Variants in PCDHGA8 observed in about 807,000 individuals in gnomAD.
PCDHGA8 encodes protocadherin gamma-A8.
A neutral mutation model predicts 59.2 loss-of-function variants in PCDHGA8; 45 were observed. The observed-to-expected ratio is 0.76, with a 90% CI of 0.60 to 0.98. The LOEUF is 0.98. Ranked by LOEUF, PCDHGA8 falls within the 50% of genes least tolerant of loss-of-function variation. The probability of loss-of-function intolerance (pLI) is 0.00; values close to 1 mark genes in which losing one functional copy is unlikely to be tolerated. For synonymous variants in PCDHGA8, 531 were observed against 519.0 expected (o/e 1.02, Z -0.32); for missense variants, 1,257 against 1,196.2 (o/e 1.05, Z -0.75).
chr5:141,477,066 T>C lies in PCDHGA8; in HGVS notation c.2425-17741T>C. ...CGGCTGGACTTCGAGGACACCAAAC[T>C]CCATGAGATTTACATCCAGGCCAAA... On this transcript the variant is annotated intron_variant, in intron 1 of 3. Coordinates refer to ENST00000398604, the MANE Select transcript of PCDHGA8 (RefSeq NM_032088.2). This position sits in a 1 kb window ranked among gnomAD's most constrained non-coding sequence, Gnocchi z 4.9. 6.2e-7 allele frequency: 1 copy of C among 1,614,148 alleles called. No homozygotes were observed. The highest frequency in any genetic ancestry group is 8.5e-7 in the Non-Finnish European group (1 of 1,180,028).
intron 1 of PCDHGA8, chr5:141,415,347 C>T (rs1369709460): frequency 1.9e-6 from 3 of 1,614,120 alleles, no homozygotes; most frequent in Non-Finnish European, 2.5e-6. Context: ...GGCGCTGGCA[C>T]AAGTCACGCC....
At chr5:141,447,861 G>A (rs2098553733) in intron 1 of PCDHGA8, among the ~76,000 whole-genome samples, 1 of 152,120 alleles carries the variant, frequency 6.6e-6, no homozygotes, top group Non-Finnish European at 1.5e-5. Flanking sequence ...CGAGGTGGGT[G>A]AATCATCTGA....
chr5:141,485,930 G>A lies in PCDHGA8; in HGVS notation c.2425-8877G>A. ...ATCCAGCTACAGGATTAGTGTGTTG[G>A]AGAGCGCACCAGCGGGCATGGTGCT... On this transcript the variant is annotated intron_variant, in intron 1 of 3. Transcript: ENST00000398604. This position sits in a 1 kb window ranked among gnomAD's most constrained non-coding sequence, Gnocchi z 5.7. The A allele has an allele frequency of 6.2e-7, 1 of 1,614,178 alleles. No homozygotes were observed. Among genetic ancestry groups the A allele is most frequent in the Non-Finnish European group, 8.5e-7 (1 of 1,180,042 alleles).
chr5:141,450,207 A>AAGG (rs1164364390), intron 1 of PCDHGA8, among the ~76,000 whole-genome samples: 13 of 151,832 alleles, frequency 8.6e-5, no homozygotes, highest in Non-Finnish European at 1.8e-4. Flanking sequence ...TAGTAGAGAC[A>AAGG]AGGTTTCACT....
Position 141,432,201 on chromosome 5 carries a change from G to T in PCDHGA8, c.2424+36964G>T, listed in dbSNP as rs761075658. On this transcript the variant is annotated intron_variant, in intron 1 of 3. Transcript: ENST00000398604. This position sits in a 1 kb window ranked among gnomAD's most constrained non-coding sequence, Gnocchi z 6.0. ...TCTGTGACCGCCCACGACCCCGACT[G>T]TGAAGAGAACGCCCAGATCACTTAT... 1.8e-5 allele frequency: 29 copies of T among 1,614,092 alleles called. No homozygotes were observed. The South Asian group carries it at 2.9e-4, about 16-fold the overall frequency.
chr5:141,407,869 A>T lies in PCDHGA8; in HGVS notation c.2424+12632A>T, dbSNP rs1031666668. ...GGATGTACACCTGCATTTTCGAAGA[A>T]TATATACATTTCGGAGACCGAATTC... On this transcript the variant is annotated intron_variant, in intron 1 of 3. Coordinates refer to ENST00000398604, the MANE Select transcript of PCDHGA8 (RefSeq NM_032088.2). Among the ~76,000 whole-genome samples, 20 of 152,262 alleles carry T rather than the reference A, an allele frequency of 1.3e-4. No homozygotes were observed. The East Asian group carries it at 1.5e-3, about 12-fold the overall frequency.
chr5:141,427,087 A>T, intron 1 of PCDHGA8: 1 of 458,198 alleles, frequency 2.2e-6, no homozygotes, highest in Non-Finnish European at 4.4e-6. Flanking sequence ...ACTGACCAGG[A>T]TGAGGGTGTC....
rs181397365 is a variant in PCDHGA8, at chr5:141,481,810, G to A, written c.2425-12997G>A. Among the ~76,000 whole-genome samples, 99 of 151,944 alleles carry A rather than the reference G, an allele frequency of 6.5e-4. 1 individual carries two copies. The highest frequency in any genetic ancestry group is 2.4e-3 in the African/African-American group (98 of 41,418). On this transcript the variant is annotated intron_variant, in intron 1 of 3. Transcript: ENST00000398604. ...CTACTAAAAATACAAAAATTCACCA[G>A]GCGTGGTGGCTGAGGCAGGAGAATC...
Position 141,487,910 on chromosome 5 carries a change from C to T in PCDHGA8, c.2425-6897C>T, listed in dbSNP as rs2099668803. The T allele has an allele frequency of 3.0e-6, 2 of 661,468 alleles. No individual in the cohort carries two copies. Among genetic ancestry groups the T allele is most frequent in the Non-Finnish European group, 5.1e-6 (2 of 388,904 alleles). The allele number at this position is 661,468 out of a possible 1,614,324, so 41.0% of individuals were successfully genotyped here. ...AGCATGATGATGGAATGTGGGAGCA[C>T]AGGAGGCTACAGTGCACAGGGTACA... On this transcript the variant is annotated intron_variant, in intron 1 of 3. Transcript: ENST00000398604. The surrounding 1 kb of genome is among the most constrained non-coding windows in gnomAD (Gnocchi z 5.0).
At chr5:141,409,402 C>G (rs2095262140) in intron 1 of PCDHGA8, 2 of 1,613,924 alleles carry the variant, frequency 1.2e-6, no homozygotes, top group Non-Finnish European at 8.5e-7. Context: ...CTTCCAATAA[C>G]TACTACAAAC....
Position 141,431,919 on chromosome 5 carries a change from A to C in PCDHGA8, c.2424+36682A>C, listed in dbSNP as rs2097428718. The C allele has an allele frequency of 7.4e-6, 12 of 1,614,040 alleles. No individual in the cohort carries two copies. Among genetic ancestry groups the C allele is most frequent in the Non-Finnish European group, 1.0e-5 (12 of 1,179,980 alleles). On this transcript the variant is annotated intron_variant, in intron 1 of 3. Transcript: ENST00000398604. This position sits in a 1 kb window ranked among gnomAD's most constrained non-coding sequence, Gnocchi z 4.8. ...AACGGACAGGTGATCTGTTTCATCC[A>C]AGGAAATCTGCCCTTTAAATTAGAA... is the stretch of plus-strand genomic sequence containing the variant.
At position 141,477,681 on chromosome 5, in the gene PCDHGA8, T is replaced by C; in HGVS notation, c.2425-17126T>C. On this transcript the variant is annotated intron_variant, in intron 1 of 3. Coordinates refer to ENST00000398604, the MANE Select transcript of PCDHGA8 (RefSeq NM_032088.2). The surrounding 1 kb of genome is among the most constrained non-coding windows in gnomAD (Gnocchi z 4.9). The stretch of plus-strand genomic sequence containing the variant: ...CGTGACAATGGCATAGTGTCATCCT[T>C]AGTGCCCCTAGACTATGAGGATCGG... 6.2e-7 allele frequency: 1 copy of C among 1,614,180 alleles called. No individual in the cohort carries two copies. The highest frequency in any genetic ancestry group is 8.5e-7 in the Non-Finnish European group (1 of 1,180,046).
chr5:141,394,263 A>C lies in PCDHGA8; in HGVS notation c.1450A>C (p.Asn484His), dbSNP rs745926581. The C allele has an allele frequency of 2.5e-6, 4 of 1,613,766 alleles. No homozygotes were observed. In the African/African-American group the frequency reaches 5.3e-5, roughly 22 times the overall value. The change falls in exon 1 of 4, where the codon AAT becomes CAT. Residue 484 changes from asparagine (N) to histidine (H), a missense_variant. Physicochemically the swap from Asn to His is moderately conservative, Grantham distance 68. Coordinates refer to ENST00000398604, the MANE Select transcript of PCDHGA8 (RefSeq NM_032088.2). ...LTAHDPDSQE[N>H]AQVTYSVTED... ...TGCACACGACCCCGACAGCCAGGAG[A>C]ATGCCCAGGTCACTTACTCTGTGAC...
At chr5:141,464,657 T>G (rs575409062) in intron 1 of PCDHGA8, among the ~76,000 whole-genome samples, 1 of 152,312 alleles carries the variant, frequency 6.6e-6, no homozygotes, top group South Asian at 2.1e-4. Context: ...GGTAAAAAGA[T>G]ATCTCCAAAT....
intron 1 of PCDHGA8, chr5:141,416,636 C>A (rs2096047139): frequency 6.6e-6 from 1 of 152,066 alleles, no homozygotes; most frequent in South Asian, 2.1e-4. Context: ...AATATAAACA[C>A]CAACCACAGC....
intron 1 of PCDHGA8, among the ~76,000 whole-genome samples, chr5:141,468,041 T>C (rs972340736): frequency 4.6e-5 from 7 of 152,120 alleles, no homozygotes; most frequent in Admixed American, 3.9e-4. Flanking sequence ...TTTAGAAAAC[T>C]AAGCCGGGCA....
chr5:141,494,924 TGGGAGGAGATGGGGGAG>T, intron 2 of PCDHGA8, 59 bp downstream of exon 2: 1 of 1,613,498 alleles, frequency 6.2e-7, no homozygotes, highest in Admixed American at 1.7e-5. Flanking sequence ...AGGGATGACG[TGGGAGGAGATGGGGGAG>T]GGCCCAGCAT....
rs777710801 is a variant in PCDHGA8, at chr5:141,400,340, A to G, written c.2424+5103A>G. On this transcript the variant is annotated intron_variant, in intron 1 of 3. Transcript: ENST00000398604. ...AAGTCTGGACCTGTGGTTCCCCCCA[A>G]CTACAGTCAGGGGACTTTGCCTTAT... The G allele has an allele frequency of 5.0e-6, 8 of 1,613,856 alleles. No homozygotes were observed. The highest frequency in any genetic ancestry group is 1.3e-5 in the African/African-American group (1 of 74,922).
At chr5:141,405,472 T>G in intron 1 of PCDHGA8, 1 of 1,056,196 alleles carries the variant, frequency 9.5e-7, no homozygotes, top group Non-Finnish European at 1.4e-6. Context: ...CAGGCTGGAA[T>G]GCAGTGGTGT....
Sources: gnomAD v4.1 joint callset for allele counts (sites outside exome capture counted in the v4.1 genomes callset) on GRCh38, gnomAD v4.1.1 for gene constraint, Gnocchi (gnomAD v3.1) non-coding constraint, MANE v1.5 for transcripts, NCBI Gene and HGNC (gene_info 2026-07-23, HGNC 2026-07-21) for gene names.